The following PITPNC1 variants were observed in gnomAD, a reference collection of about 807,000 sequenced individuals.
PITPNC1 encodes the protein cytoplasmic phosphatidylinositol transfer protein 1.
In PITPNC1, 18 loss-of-function variants were observed where a neutral mutation model predicts 44.7. The observed-to-expected ratio is 0.40, with a 90% CI of 0.28 to 0.60. The LOEUF is 0.60. Ranked by LOEUF, PITPNC1 falls within the 20% of genes least tolerant of loss-of-function variation. The pLI is 0.39. For synonymous variants in PITPNC1, 141 were observed against 149.6 expected, an observed-to-expected ratio of 0.94 and a Z score of 0.42; for missense variants, 290 against 418.4, an observed-to-expected ratio of 0.69 and a Z score of 2.68.
chr17:67,435,090 C>CAGAGTGAG, intron 1 of PITPNC1, among the ~76,000 whole-genome samples: 1 of 121,680 alleles, frequency 8.2e-6, no homozygotes, highest in South Asian at 2.6e-4. Flanking sequence ...GCCTGGGTGA[C>CAGAGTGAG]AGAGCGAGAC....
chr17:67,452,359 T>C (rs2039192733), intron 1 of PITPNC1, among the ~76,000 whole-genome samples: 1 of 151,932 alleles, frequency 6.6e-6, no homozygotes, highest in East Asian at 2.0e-4. Flanking sequence ...TATAGGGATG[T>C]ACCACATTTT....
chr17:67,536,333 C>G (rs2040527611), intron 2 of PITPNC1, among the ~76,000 whole-genome samples: 7 of 152,134 alleles, frequency 4.6e-5, no homozygotes. Flanking sequence ...GGTGCAATCT[C>G]GTGCCTTAGC....
chr17:67,422,173 C>T (rs2038680263), intron 1 of PITPNC1, among the ~76,000 whole-genome samples: 1 of 152,088 alleles, frequency 6.6e-6, no homozygotes, highest in Non-Finnish European at 1.5e-5. Context: ...AAAGGAGGGG[C>T]AGAGGGAAAA....
chr17:67,452,927 A>G (rs1196118442), intron 1 of PITPNC1, among the ~76,000 whole-genome samples: 3 of 152,186 alleles, frequency 2.0e-5, no homozygotes, highest in African/African-American at 7.2e-5. Flanking sequence ...ACTTGGTATT[A>G]TCCGTCTTTT....
chr17:67,413,548 C>T (rs376581647), intron 1 of PITPNC1, among the ~76,000 whole-genome samples: 4 of 152,146 alleles, frequency 2.6e-5, no homozygotes, highest in South Asian at 4.1e-4. Flanking sequence ...TGTGCCCGGG[C>T]CCTGAGGCCT....
rs147007742 is a variant in PITPNC1 at position 67,396,550 on chromosome 17, A to G, written c.48+18348A>G. On this transcript the variant is annotated intron_variant, in intron 1 of 8. Coordinates refer to ENST00000581322, the MANE Select transcript of PITPNC1 (RefSeq NM_012417.4). ...CACACCTGGCTAATTTTTGTATTTT[A>G]GTAGGGACGGGGTTTCATCATGTTG... Among the ~76,000 whole-genome samples the G allele has an allele frequency of 1.0e-2, 1,509 of 151,018 alleles. 21 individuals are homozygous for G. Among genetic ancestry groups the G allele is most frequent in the African/African-American group, 0.034 (1,396 of 41,142 alleles).
intron 1 of PITPNC1, among the ~76,000 whole-genome samples, chr17:67,531,576 G>A (rs1394567577): frequency 6.6e-6 from 1 of 152,154 alleles, no homozygotes; most frequent in Non-Finnish European, 1.5e-5. Flanking sequence ...AGAAACCTTC[G>A]GGCACATGTG....
intron 1 of PITPNC1, among the ~76,000 whole-genome samples, chr17:67,470,073 C>T (rs141620579): frequency 3.4e-3 from 515 of 152,216 alleles, no homozygotes; most frequent in African/African-American, 0.012. Context: ...TAGGCACACA[C>T]CACCACACTT....
intron 1 of PITPNC1, among the ~76,000 whole-genome samples, chr17:67,488,382 G>A (rs746551253): frequency 3.9e-5 from 6 of 152,124 alleles, no homozygotes; most frequent in African/African-American, 7.2e-5. Context: ...CCTGTGCCCC[G>A]GGGGAGTTAC....
At chr17:67,450,519 C>T (rs1380669571) in intron 1 of PITPNC1, among the ~76,000 whole-genome samples, 3 of 152,086 alleles carry the variant, frequency 2.0e-5, no homozygotes, top group South Asian at 2.1e-4. Context: ...TCACCCTCTC[C>T]GGCTCAAGCG....
rs766485204 is a variant in PITPNC1, at chr17:67,660,522, ATTTATTTATTTATTTATTTG to A, written c.463-8970_463-8951del. On this transcript the variant is annotated intron_variant, in intron 6 of 8. Transcript: ENST00000581322. Reference sequence around the variant, plus strand: ...TATATATTTTATTTTATTTTATTTTATTTATTTATTTATTTATTTGTTTATTTATTTATTTTTGAGATGGA... The same window carrying A: ...TATATATTTTATTTTATTTTATTTTATTTATTTATTTATTTTTGAGATGGA... Among the ~76,000 whole-genome samples the A allele has an allele frequency of 1.8e-4, 24 of 132,568 alleles. 1 individual carries two copies. The highest frequency in any genetic ancestry group is 1.4e-3 in the South Asian group (6 of 4,384). 87.0% of individuals were successfully genotyped at this position (132,568 alleles called of 152,430 possible).
At chr17:67,521,134 A>G (rs200876065) in intron 1 of PITPNC1, among the ~76,000 whole-genome samples, 1 of 151,986 alleles carries the variant, frequency 6.6e-6, no homozygotes, top group Admixed American at 6.6e-5. Context: ...CAGCAACAGC[A>G]GGATAGAGGT....
At chr17:67,578,636 A>G (rs1004912093) in intron 5 of PITPNC1, among the ~76,000 whole-genome samples, 1 of 152,238 alleles carries the variant, frequency 6.6e-6, no homozygotes, top group African/African-American at 2.4e-5. Flanking sequence ...AATACAATCA[A>G]AGATATGTGT....
chr17:67,398,703 G>A (rs1468942998), intron 1 of PITPNC1, among the ~76,000 whole-genome samples: 2 of 151,940 alleles, frequency 1.3e-5, no homozygotes, highest in African/African-American at 2.4e-5. Context: ...GTGCAAGTTT[G>A]GCTTTTGGGA....
intron 1 of PITPNC1, among the ~76,000 whole-genome samples, chr17:67,428,041 T>C (rs2038798241): frequency 6.6e-6 from 1 of 152,148 alleles, no homozygotes; most frequent in South Asian, 2.1e-4. Context: ...TAGAGTGCAG[T>C]GACTGTTCAC....
Position 67,647,337 on chromosome 17 carries a change from C to T in PITPNC1, c.462+15099C>T, listed in dbSNP as rs142439967. ...ACAAGGTCTCACTTTGTTGCCCAGG[C>T]TGGAGTGCAGTGGCACCATCACGAC... On this transcript the variant is annotated intron_variant, in intron 6 of 8. Transcript: ENST00000581322. Among the ~76,000 whole-genome samples, 80 of 152,168 alleles carry T rather than the reference C, an allele frequency of 5.3e-4. 1 individual carries two copies. In the East Asian group the frequency reaches 9.1e-3, roughly 17 times the overall value.
intron 1 of PITPNC1, among the ~76,000 whole-genome samples, chr17:67,430,063 C>A (rs1420596108): frequency 6.6e-6 from 1 of 152,198 alleles, no homozygotes; most frequent in East Asian, 1.9e-4. Context: ...TTCTGAACTT[C>A]TTTTTACCCA....
At chr17:67,410,679 C>T (rs76412787) in intron 1 of PITPNC1, among the ~76,000 whole-genome samples, 1,619 of 152,186 alleles carry the variant, frequency 0.011, 30 homozygotes, top group African/African-American at 0.038. Flanking sequence ...AGCCACCAAC[C>T]GCACGGGCCT....
chr17:67,587,887 T>G (rs1201416185), intron 5 of PITPNC1, among the ~76,000 whole-genome samples: 1 of 152,228 alleles, frequency 6.6e-6, no homozygotes, highest in Non-Finnish European at 1.5e-5. Flanking sequence ...GTTCTCTTCC[T>G]GACTACAAGT....
Sources: gnomAD v4.1 joint callset for allele counts (sites outside exome capture counted in the v4.1 genomes callset) on GRCh38, gnomAD v4.1.1 for gene constraint, MANE v1.5 for transcripts, NCBI Gene and HGNC (gene_info 2026-07-23, HGNC 2026-07-21) for gene names.